The following OPN1LW variants were observed in gnomAD, a reference collection of about 807,000 sequenced individuals.
OPN1LW encodes the protein opsin 1, long wave sensitive, also known as long-wave-sensitive opsin 1.
Under a neutral mutation model 18.1 loss-of-function variants are expected in OPN1LW, and 4 were observed. That is an observed-to-expected ratio of 0.22 (90% CI 0.11 to 0.51). The LOEUF (loss-of-function observed/expected upper bound fraction) is 0.51. OPN1LW is among the 20% of genes least tolerant of loss of function. The pLI, the probability that OPN1LW is intolerant of heterozygous loss-of-function variation, is 0.97. For missense variants in OPN1LW, 164 were observed against 234.9 expected (o/e 0.70, Z 1.97); for synonymous variants, 86 against 101.2 (o/e 0.85, Z 0.90).
At chrX:154,150,539 A>T in intron 1 of OPN1LW, 117 bp from the exon 2 acceptor site, 3 of 816,438 alleles carry the variant, frequency 3.7e-6, no homozygotes, top group Non-Finnish European at 3.4e-6. Context: ...CTGGAGGGAA[A>T]CAGCCAATTG....
rs145631912 is a variant in OPN1LW, at chrX:154,156,475, A to T, written c.926A>T (p.Tyr309Phe). 396 of 1,202,189 alleles carry T rather than the reference A, an allele frequency of 3.3e-4. 2 individuals carry two copies. The highest frequency in any genetic ancestry group is 5.6e-4 in the African/African-American group (32 of 56,643). ...FHPLMAALPA[Y>F]FAKSATIYNP... ...CCTTTGATGGCTGCCCTGCCGGCCT[A>T]CTTTGCCAAAAGTGCCACTATCTAC... The change falls in exon 5 of 6, where the codon TAC (tyrosine) becomes TTC (phenylalanine). Residue 309 changes from tyrosine to phenylalanine, a missense_variant. Physicochemically the swap from Tyr to Phe is conservative, Grantham distance 22. Around this residue, in one of 3 missense-constraint regions of OPN1LW, gnomAD observed 53 missense variants for 50.2 expected, o/e 1.06. Coordinates refer to ENST00000369951, the MANE Select transcript of OPN1LW (RefSeq NM_020061.6).
At chrX:154,148,842 A>C (rs2067064291) in intron 1 of OPN1LW, among the ~76,000 whole-genome samples, 1 of 105,328 alleles carries the variant, frequency 9.5e-6, no homozygotes, top group Admixed American at 9.7e-5. Flanking sequence ...TGTGAGGATG[A>C]ATGAGTCAAA....
chrX:154,149,408 A>C (rs2067067101), intron 1 of OPN1LW, among the ~76,000 whole-genome samples: 4 of 95,325 alleles, frequency 4.2e-5, no homozygotes, highest in Non-Finnish European at 5.9e-5. Context: ...GGTGCCTGTA[A>C]ATCCCAGCTA....
chrX:154,150,985 C>A, intron 2 of OPN1LW, 33 bp downstream of exon 2: 1 of 1,178,062 alleles, frequency 8.5e-7, no homozygotes. Context: ...TCGGCGGAAA[C>A]CACTCATTCA....
chrX:154,156,490 C>T lies in OPN1LW; in HGVS notation c.941C>T (p.Ala314Val). 4.2e-6 allele frequency: 5 copies of T among 1,204,313 alleles called. No individual in the cohort carries two copies. Among genetic ancestry groups the T allele is most frequent in the Non-Finnish European group, 5.6e-6 (5 of 890,359 alleles). ...CTGCCGGCCTACTTTGCCAAAAGTG[C>T]CACTATCTACAACCCCGTTATCTAT... is the stretch of plus-strand genomic sequence containing the variant. ...AALPAYFAKSATIYNPVIYVF... is the reference protein window; with the variant it reads ...AALPAYFAKSVTIYNPVIYVF... The change falls in exon 5 of 6, where the codon GCC becomes GTC. Residue 314 changes from alanine (A) to valine (V), a missense_variant. Physicochemically the swap from Ala to Val is moderately conservative, Grantham distance 64. This residue lies in a region of OPN1LW where 53 missense variants were observed against 50.2 expected (regional missense o/e 1.06). Coordinates refer to ENST00000369951, the MANE Select transcript of OPN1LW (RefSeq NM_020061.6).
At chrX:154,154,097 G>C (rs2067077802) in intron 3 of OPN1LW, among the ~76,000 whole-genome samples, 1 of 95,447 alleles carries the variant, frequency 1.0e-5, no homozygotes, top group Non-Finnish European at 2.0e-5. Context: ...CTCCTGAGGA[G>C]CTGGGCCTAC....
rs782506559 is a variant in OPN1LW at position 154,154,738 on chromosome X, C to G, written c.743C>G (p.Ala248Gly). ...CTCCAAGTGTGGCTGGCCATCCGAG[C>G]GGTAAGCCCCCCGATTCCTCCTGGC... ...CYLQVWLAIR[A>G]VAKQQKESES... Residue 248 changes from alanine (A) to glycine (G), a missense_variant and splice_region_variant, in exon 4 of 6, where the codon GCG (alanine) becomes GGG (glycine). Ala to Gly is a moderately conservative substitution (Grantham distance 60). This residue lies in a region of OPN1LW where 106 missense variants were observed against 167.7 expected (regional missense o/e 0.63). Coordinates refer to ENST00000369951, the MANE Select transcript of OPN1LW (RefSeq NM_020061.6). The G allele has an allele frequency of 3.4e-6, 4 of 1,190,440 alleles. 1 individual carries two copies. The highest frequency in any genetic ancestry group is 4.5e-6 in the Non-Finnish European group (4 of 882,479).
Position 154,144,451 on chromosome X carries a change from C to A in OPN1LW, c.112+56C>A, listed in dbSNP as rs1557156928. On this transcript the variant is annotated intron_variant, in intron 1 of 5. Coordinates refer to ENST00000369951, the MANE Select transcript of OPN1LW (RefSeq NM_020061.6). Reference sequence around the variant, plus strand: ...GCTGCACTGGGGGCCACCGGCCACCCACCTGCCCCGCCCAAGGGAATCTCT... The same window carrying A: ...GCTGCACTGGGGGCCACCGGCCACCAACCTGCCCCGCCCAAGGGAATCTCT... 4.5e-6 allele frequency: 4 copies of A among 884,623 alleles called. No individual in the cohort carries two copies. The African/African-American group carries it at 7.2e-5, about 16-fold the overall frequency. 72.9% of individuals were successfully genotyped at this position (884,623 alleles called of 1,213,427 possible).
chrX:154,149,677 C>T (rs2067068731), intron 1 of OPN1LW, among the ~76,000 whole-genome samples: 1 of 66,029 alleles, frequency 1.5e-5, no homozygotes, highest in East Asian at 4.2e-4. Context: ...GGCGAGGACC[C>T]TCTTCCTGAC....
intron 3 of OPN1LW, among the ~76,000 whole-genome samples, chrX:154,154,133 T>G (rs1322321967): frequency 1.1e-5 from 1 of 95,084 alleles, no homozygotes; most frequent in Non-Finnish European, 2.0e-5. Context: ...CCTAGCTAAT[T>G]TTTTTTATTT....
At chrX:154,148,536 G>A in intron 1 of OPN1LW, among the ~76,000 whole-genome samples, 1 of 103,215 alleles carries the variant, frequency 9.7e-6, no homozygotes. Context: ...CTCCCAAAGT[G>A]CTGGGATTAC....
Position 154,156,457 on chromosome X carries a change from T to A in OPN1LW, c.908T>A (p.Met303Lys). 8.3e-7 allele frequency: 1 copy of A among 1,205,085 alleles called. No individual in the cohort carries two copies. The highest frequency in any genetic ancestry group is 1.1e-6 in the Non-Finnish European group (1 of 890,530). ...CCTGGTTACGCCTTCCACCCTTTGA[T>A]GGCTGCCCTGCCGGCCTACTTTGCC... ...ANPGYAFHPL[M>K]AALPAYFAKS... The change falls in exon 5 of 6, where the codon ATG becomes AAG. Residue 303 changes from methionine to lysine, a missense_variant. Transcript: ENST00000369951.
At chrX:154,154,811 C>T (rs1557157864) in intron 4 of OPN1LW, 72 bp downstream of exon 4, 22 of 838,160 alleles carry the variant, frequency 2.6e-5, no homozygotes, top group Middle Eastern at 5.7e-4. Context: ...AATGAGTCCA[C>T]TGAGACTCCT....
chrX:154,154,949 C>T (rs1371077825), intron 4 of OPN1LW, among the ~76,000 whole-genome samples: 1 of 16,398 alleles, frequency 6.1e-5, no homozygotes, highest in Middle Eastern at 0.019. Context: ...GCCCCAGCCC[C>T]GTTGTCCTCA....
chrX:154,148,523 G>C (rs1432846348), intron 1 of OPN1LW, among the ~76,000 whole-genome samples: 1 of 102,549 alleles, frequency 9.8e-6, no homozygotes, highest in African/African-American at 4.3e-5. Context: ...CCACCCCCTC[G>C]GCCTCCCAAA....
Position 154,150,882 on chromosome X carries a change from C to G in OPN1LW, c.339C>G (p.Asn113Lys). The part of the protein sequence containing the change: ...TVIASTISIV[N>K]QVSGYFVLGH... ...TCGCCAGCACTATCAGCATTGTGAA[C>G]CAGGTCTCTGGCTACTTCGTGCTGG... The change falls in exon 2 of 6, where the codon AAC (asparagine) becomes AAG (lysine). Residue 113 changes from asparagine to lysine, a missense_variant. Transcript: ENST00000369951. 8.4e-7 allele frequency: 1 copy of G among 1,195,586 alleles called. No individual in the cohort carries two copies. The highest frequency in any genetic ancestry group is 1.1e-6 in the Non-Finnish European group (1 of 886,488).
At chrX:154,156,677 C>T (rs2067086822) in intron 5 of OPN1LW, 144 bp downstream of exon 5, 1 of 1,044,509 alleles carries the variant, frequency 9.6e-7, no homozygotes, top group Admixed American at 2.3e-5. Context: ...GGGAAAGGCT[C>T]AGCGTGTGAC....
intron 1 of OPN1LW, 99 bp downstream of exon 1, chrX:154,144,494 C>T (rs1176749850): frequency 1.7e-6 from 1 of 591,121 alleles, no homozygotes; most frequent in African/African-American, 3.0e-5. Flanking sequence ...ACGTCCCCAC[C>T]AGCAGAGAAG....
At position 154,156,369 on chromosome X, in the gene OPN1LW, A is replaced by C. The variant is rs2315122; in HGVS notation, c.820A>C (p.Ile274Leu). 4 of 1,202,051 alleles carry C rather than the reference A, an allele frequency of 3.3e-6. No homozygotes were observed. Among genetic ancestry groups the C allele is most frequent in the Non-Finnish European group, 4.5e-6 (4 of 889,812 alleles). Residue 274 changes from isoleucine to leucine, a missense_variant, in exon 5 of 6, where the codon ATC (isoleucine) becomes CTC (leucine). Physicochemically the swap from Ile to Leu is conservative, Grantham distance 5 (BLOSUM62 2). Coordinates refer to ENST00000369951, the MANE Select transcript of OPN1LW (RefSeq NM_020061.6). ...AGTGACGCGCATGGTGGTGGTGATG[A>C]TCTTTGCGTACTGCGTCTGCTGGGG... The part of the protein sequence containing the change: ...KEVTRMVVVM[I>L]FAYCVCWGPY...
Sources: allele counts gnomAD v4.1 joint callset (sites outside exome capture counted in the v4.1 genomes callset), GRCh38; gene constraint gnomAD v4.1.1; regional missense constraint gnomAD v4.1.1; transcripts MANE v1.5; gene names NCBI Gene and HGNC (gene_info 2026-07-23, HGNC 2026-07-21).